Variants in KHDRBS2 observed in about 807,000 individuals in gnomAD.
KHDRBS2 encodes the protein KH RNA binding domain containing, signal transduction associated 2.
In KHDRBS2, 26 loss-of-function variants were observed where a neutral mutation model predicts 44.3. The observed-to-expected ratio is 0.59, with a 90% CI of 0.43 to 0.81. The LOEUF is 0.81. Ranked by LOEUF, KHDRBS2 falls within the 40% of genes least tolerant of loss-of-function variation. The pLI is 0.00. For missense variants in KHDRBS2, 476 were observed against 433.1 expected, an observed-to-expected ratio of 1.10 and a Z score of -0.88; for synonymous variants, 194 against 151.1, an observed-to-expected ratio of 1.28 and a Z score of -2.08.
intron 3 of KHDRBS2, among the ~76,000 whole-genome samples, chr6:62,013,903 G>T (rs554491414): frequency 6.6e-6 from 1 of 152,154 alleles, no homozygotes; most frequent in Non-Finnish European, 1.5e-5. Context: ...AGTCAAAGAG[G>T]TGCTAGCAAC....
chr6:61,680,930 T>G lies in KHDRBS2; in HGVS notation c.*33A>C. The stretch of plus-strand genomic sequence containing the variant: ...TGTGGAGACCACAGGCTATGAATTG[T>G]CTTTGAGGTGAGGTCACAGGTGGGA... On this transcript the variant is annotated 3_prime_UTR_variant, in exon 9 of 9. Coordinates refer to ENST00000281156, the MANE Select transcript of KHDRBS2 (RefSeq NM_152688.4). 7.3e-7 allele frequency: 1 copy of G among 1,366,308 alleles called. No homozygotes were observed. Among genetic ancestry groups the G allele is most frequent in the Non-Finnish European group, 1.0e-6 (1 of 960,382 alleles). 84.6% of individuals were successfully genotyped at this position (1,366,308 alleles called of 1,614,324 possible).
At chr6:61,753,034 A>C (rs910854284) in intron 6 of KHDRBS2, among the ~76,000 whole-genome samples, 1 of 152,152 alleles carries the variant, frequency 6.6e-6, no homozygotes, top group Non-Finnish European at 1.5e-5. Context: ...TAAGCATTTT[A>C]TTCCTCACTC....
the KHDRBS2 span, among the ~76,000 whole-genome samples, chr6:61,570,088 T>C: frequency 1.3e-5 from 2 of 151,950 alleles, no homozygotes; most frequent in South Asian, 2.1e-4. Flanking sequence ...ATCTCTGTAG[T>C]TCTAGATAAA....
intron 6 of KHDRBS2, among the ~76,000 whole-genome samples, chr6:61,758,906 T>C (rs993858924): frequency 1.3e-5 from 2 of 152,166 alleles, no homozygotes; most frequent in Admixed American, 6.5e-5. Flanking sequence ...TCACAAATAA[T>C]GTGCCATATT....
At chr6:61,677,124 C>G (rs1285862567), downstream of KHDRBS2, among the ~76,000 whole-genome samples, 1 of 151,800 alleles carries the variant, frequency 6.6e-6, no homozygotes, top group Admixed American at 6.6e-5. Flanking sequence ...ATATAAAGAT[C>G]TAGTCTGAAT....
the KHDRBS2 span, among the ~76,000 whole-genome samples, chr6:61,643,326 G>A: frequency 4.6e-5 from 7 of 152,060 alleles, no homozygotes; most frequent in Admixed American, 3.3e-4. Context: ...AATAACAAGA[G>A]CCATCTATGA....
chr6:61,813,890 T>G (rs1788500459), intron 6 of KHDRBS2: 7 of 455,924 alleles, frequency 1.5e-5, no homozygotes, highest in Non-Finnish European at 3.1e-5. Flanking sequence ...CTAGGCACTT[T>G]GCCTCCATTA....
the KHDRBS2 span, among the ~76,000 whole-genome samples, chr6:61,602,934 C>T: frequency 1.3e-5 from 2 of 152,120 alleles, no homozygotes; most frequent in South Asian, 2.1e-4. Flanking sequence ...GTCATTGCCA[C>T]CTTTCCCCCC....
intron 6 of KHDRBS2, among the ~76,000 whole-genome samples, chr6:61,783,349 T>C (rs1004267290): frequency 2.0e-5 from 3 of 152,096 alleles, no homozygotes; most frequent in African/African-American, 7.2e-5. Flanking sequence ...CTATAAGAGG[T>C]ACAAGTCCTC....
chr6:61,882,308 C>T (rs549353870), intron 6 of KHDRBS2, among the ~76,000 whole-genome samples: 66 of 152,064 alleles, frequency 4.3e-4, no homozygotes, highest in African/African-American at 1.6e-3. Context: ...CTGTTAGTAT[C>T]CATGATAGTG....
At chr6:61,965,483 A>G (rs955338266) in intron 4 of KHDRBS2, among the ~76,000 whole-genome samples, 1 of 151,992 alleles carries the variant, frequency 6.6e-6, no homozygotes, top group African/African-American at 2.4e-5. Context: ...TCTTCTTTTT[A>G]TCTCTGAAAA....
chr6:61,565,648 A>G, the KHDRBS2 span, among the ~76,000 whole-genome samples: 1 of 152,220 alleles, frequency 6.6e-6, no homozygotes, highest in South Asian at 2.1e-4. Flanking sequence ...GCCCTTTATC[A>G]AAAAATAATG....
the KHDRBS2 span, among the ~76,000 whole-genome samples, chr6:61,611,017 T>A: frequency 6.6e-6 from 1 of 152,212 alleles, no homozygotes; most frequent in Non-Finnish European, 1.5e-5. Flanking sequence ...GCTGGCTATG[T>A]ATTCATATCT....
chr6:62,268,476 T>A (rs1839553961), intron 1 of KHDRBS2, among the ~76,000 whole-genome samples: 1 of 152,060 alleles, frequency 6.6e-6, no homozygotes, highest in South Asian at 2.1e-4. Context: ...CCCCTGAAGA[T>A]GAAGATATAA....
At chr6:61,970,520 G>A (rs966807036) in intron 4 of KHDRBS2, among the ~76,000 whole-genome samples, 3 of 152,072 alleles carry the variant, frequency 2.0e-5, no homozygotes, top group Non-Finnish European at 2.9e-5. Context: ...CTGGATGCAG[G>A]AAGATGGTAA....
intron 6 of KHDRBS2, among the ~76,000 whole-genome samples, chr6:61,783,243 T>C (rs1442803696): frequency 6.6e-6 from 1 of 152,128 alleles, no homozygotes; most frequent in Non-Finnish European, 1.5e-5. Context: ...TCCTATACAT[T>C]CTCACAGACC....
chr6:61,846,321 G>A (rs569595182), intron 6 of KHDRBS2, among the ~76,000 whole-genome samples: 38 of 152,320 alleles, frequency 2.5e-4, no homozygotes, highest in Middle Eastern at 6.8e-3. Flanking sequence ...ATATGTAAAT[G>A]TATAAGTAAA....
chr6:61,810,804 T>G (rs1198466909), intron 6 of KHDRBS2, among the ~76,000 whole-genome samples: 1 of 152,144 alleles, frequency 6.6e-6, no homozygotes, highest in East Asian at 1.9e-4. Context: ...CACTGTGATC[T>G]AAAGATCAAT....
intron 7 of KHDRBS2, among the ~76,000 whole-genome samples, chr6:61,709,476 A>T (rs1350571380): frequency 6.6e-6 from 1 of 151,628 alleles, no homozygotes; most frequent in South Asian, 2.1e-4. Flanking sequence ...AATAAGAAGG[A>T]AATATATTTA....
Sources: allele counts gnomAD v4.1 joint callset (sites outside exome capture counted in the v4.1 genomes callset), GRCh38; gene constraint gnomAD v4.1.1; transcripts MANE v1.5; gene names NCBI Gene and HGNC (gene_info 2026-07-23, HGNC 2026-07-21).